TMEM242: variants seen among roughly 807,000 people sequenced by gnomAD.
TMEM242 encodes UPF0463 transmembrane protein C6orf35.
A neutral mutation model predicts 18.2 loss-of-function variants in TMEM242; 10 were observed. The ratio of observed to expected loss-of-function variants is 0.55; its 90% confidence interval spans 0.34 to 0.93. TMEM242 has a LOEUF of 0.93. TMEM242 is among the 40% of genes least tolerant of loss of function. The pLI is 0.02. For synonymous variants in TMEM242, 57 were observed against 69.9 expected, an observed-to-expected ratio of 0.81 and a Z score of 0.92; for missense variants, 186 against 175.5, an observed-to-expected ratio of 1.06 and a Z score of -0.34.
At chr6:157,316,328 C>A (rs1778390091) in intron 3 of TMEM242, among the ~76,000 whole-genome samples, 1 of 152,128 alleles carries the variant, frequency 6.6e-6, no homozygotes, top group African/African-American at 2.4e-5. Flanking sequence ...CCTCTTTGAG[C>A]CCCAATTTCC....
intron 3 of TMEM242, among the ~76,000 whole-genome samples, chr6:157,313,257 T>G (rs1277611338): frequency 3.5e-5 from 4 of 113,004 alleles, no homozygotes; most frequent in African/African-American, 1.1e-4. Context: ...TGTGCTCACC[T>G]GGCCTCATCA....
At position 157,320,790 on chromosome 6, in the gene TMEM242, C is replaced by T. The variant is rs587774683; in HGVS notation, c.190-1871G>A. On this transcript the variant is annotated intron_variant, in intron 2 of 3. Transcript: ENST00000400788. Reference sequence around the variant, plus strand: ...TTTCACTTGAAAGCTTGAATTTTATCAGTGGCAATAAATACTGACAATTGT... The same window carrying T: ...TTTCACTTGAAAGCTTGAATTTTATTAGTGGCAATAAATACTGACAATTGT... Among the ~76,000 whole-genome samples the T allele has an allele frequency of 2.0e-5, 3 of 152,266 alleles. No individual in the cohort carries two copies. In the South Asian group the frequency reaches 6.2e-4, roughly 32 times the overall value.
intron 3 of TMEM242, 142 bp downstream of exon 3, chr6:157,318,639 TA>T: frequency 1.1e-6 from 1 of 889,084 alleles, no homozygotes; most frequent in Non-Finnish European, 1.7e-6. Flanking sequence ...TAGTTATTTG[TA>T]AGAATTTAGT....
intron 3 of TMEM242, among the ~76,000 whole-genome samples, chr6:157,315,813 C>T (rs1340630572): frequency 2.0e-5 from 3 of 152,178 alleles, no homozygotes; most frequent in African/African-American, 7.2e-5. Context: ...TGTTTGGTAA[C>T]AAGATAGCTC....
Position 157,297,027 on chromosome 6 carries a change from A to C in TMEM242, c.328-4028T>G, listed in dbSNP as rs145511801. 2.7e-3 allele frequency among the ~76,000 whole-genome samples: 410 copies of C among 152,346 alleles called. 2 individuals carry two copies. The highest frequency in any genetic ancestry group is 9.1e-3 in the African/African-American group (377 of 41,576). Reference sequence around the variant, plus strand: ...ATAATGTTATTCTCGTTCACATTTCAATAGGCCATATAGCCAGTAGGCCAG... The same window carrying C: ...ATAATGTTATTCTCGTTCACATTTCCATAGGCCATATAGCCAGTAGGCCAG... On this transcript the variant is annotated intron_variant, in intron 3 of 3. Transcript: ENST00000400788.
At chr6:157,295,824 C>G (rs1056042592) in intron 3 of TMEM242, among the ~76,000 whole-genome samples, 13 of 152,160 alleles carry the variant, frequency 8.5e-5, no homozygotes, top group African/African-American at 2.9e-4. Context: ...TACCATCTAT[C>G]CCTGTTCTCT....
At chr6:157,309,934 T>A (rs1554248188) in intron 3 of TMEM242, among the ~76,000 whole-genome samples, 1 of 152,142 alleles carries the variant, frequency 6.6e-6, no homozygotes, top group Non-Finnish European at 1.5e-5. Flanking sequence ...GAGGCCCCAG[T>A]AAAGGTTAGC....
At chr6:157,312,680 A>T (rs1445229832) in intron 3 of TMEM242, among the ~76,000 whole-genome samples, 1 of 59,088 alleles carries the variant, frequency 1.7e-5, no homozygotes, top group Non-Finnish European at 3.5e-5. Context: ...GCACTCACCT[A>T]GCCTCATCAT....
Position 157,292,802 on chromosome 6 carries a change from T to C in TMEM242, c.*99A>G, listed in dbSNP as rs912546011. On this transcript the variant is annotated 3_prime_UTR_variant, in exon 4 of 4. Coordinates refer to ENST00000400788, the MANE Select transcript of TMEM242 (RefSeq NM_018452.6). ...ACTGGTTCAGTCAGCAATCTGCCCA[T>C]GTTCCTGGGAGAAATCAGTCCCAGT... The C allele has an allele frequency of 5.3e-6, 5 of 941,530 alleles. No homozygotes were observed. Among genetic ancestry groups the C allele is most frequent in the Non-Finnish European group, 8.4e-6 (5 of 594,338 alleles). 58.3% of individuals were successfully genotyped at this position (941,530 alleles called of 1,614,324 possible). A position where few individuals can be genotyped will look rare whatever the true frequency, so the allele number is the denominator to read the frequency against.
At position 157,290,788 on chromosome 6, in the gene TMEM242, T is replaced by G. The variant is rs1326292637; in HGVS notation, c.*2113A>C. 2 of 152,214 alleles carry G rather than the reference T, an allele frequency of 1.3e-5. No homozygotes were observed. The highest frequency in any genetic ancestry group is 2.9e-5 in the Non-Finnish European group (2 of 68,046). 9.4% of individuals were successfully genotyped at this position (152,214 alleles called of 1,614,324 possible). On this transcript the variant is annotated 3_prime_UTR_variant, in exon 4 of 4. Transcript: ENST00000400788. ...ATTGGAGCTGACGCTTGGTCCCTCT[T>G]TTAGGGAATTTGTCCCTGCCAGCCT...
chr6:157,311,537 T>A (rs1191825629), intron 3 of TMEM242, among the ~76,000 whole-genome samples: 1,459 of 16,066 alleles, frequency 0.091, 12 homozygotes, highest in Middle Eastern at 0.17. Context: ...ACCGGCCTCA[T>A]CATAGTGTCC....
intron 1 of TMEM242, 64 bp from the exon 2 acceptor site, chr6:157,322,869 G>C: frequency 2.1e-6 from 3 of 1,397,154 alleles, no homozygotes; most frequent in Non-Finnish European, 3.0e-6. Flanking sequence ...AGGTTAAAAA[G>C]ATGTACAAAA....
intron 3 of TMEM242, among the ~76,000 whole-genome samples, chr6:157,310,892 C>A (rs1554248488): frequency 7.7e-6 from 1 of 129,318 alleles, no homozygotes; most frequent in South Asian, 2.8e-4. Flanking sequence ...GTGCACTCAC[C>A]TAGCCTCATC....
intron 3 of TMEM242, among the ~76,000 whole-genome samples, chr6:157,312,920 CAT>C (rs1778228652): frequency 6.7e-6 from 1 of 149,318 alleles, no homozygotes; most frequent in Non-Finnish European, 1.5e-5. Flanking sequence ...GCTCACCCGG[CAT>C]CATCATAGTG....
intron 3 of TMEM242, among the ~76,000 whole-genome samples, chr6:157,314,379 C>T (rs1009138605): frequency 4.4e-5 from 6 of 137,782 alleles, no homozygotes; most frequent in Middle Eastern, 3.3e-3. Context: ...TTCCCATGAT[C>T]ATGTACACAG....
rs148789181 is a variant in TMEM242, at chr6:157,293,966, C to T, written c.328-967G>A. On this transcript the variant is annotated intron_variant, in intron 3 of 3. Coordinates refer to ENST00000400788, the MANE Select transcript of TMEM242 (RefSeq NM_018452.6). ...AAACTCCTGAACTCAAGCAATCCTC[C>T]CACCTCGGTCTCCCAAAGTGCTGAG... is the stretch of plus-strand genomic sequence containing the variant. 7.2e-5 allele frequency among the ~76,000 whole-genome samples: 11 copies of T among 152,204 alleles called. 1 individual carries two copies. The highest frequency in any genetic ancestry group is 2.6e-4 in the African/African-American group (11 of 41,520).
At chr6:157,313,410 C>CT (rs202013489) in intron 3 of TMEM242, among the ~76,000 whole-genome samples, 7 of 83,648 alleles carry the variant, frequency 8.4e-5, no homozygotes, top group Admixed American at 6.2e-4. Flanking sequence ...ATTACAGTGT[C>CT]CAGTGTGCGC....
rs142289958 is a variant in TMEM242, at chr6:157,305,634, A to G, written c.328-12635T>C. Among the ~76,000 whole-genome samples the G allele has an allele frequency of 5.9e-5, 9 of 152,318 alleles. No individual in the cohort carries two copies. The East Asian group carries it at 1.7e-3, about 29-fold the overall frequency. ...AGATGGAGGACAGAAGAGTTTAAGT[A>G]GGAGCTACTGGACACTGATGTTAAG... On this transcript the variant is annotated intron_variant, in intron 3 of 3. Transcript: ENST00000400788. This position sits in a 1 kb window ranked among gnomAD's most constrained non-coding sequence, Gnocchi z 4.1.
intron 3 of TMEM242, among the ~76,000 whole-genome samples, chr6:157,308,633 A>G (rs1188224927): frequency 6.6e-6 from 1 of 152,200 alleles, no homozygotes; most frequent in African/African-American, 2.4e-5. Flanking sequence ...AATGTCTATC[A>G]GCAGAAGAGG....
Sources: allele counts gnomAD v4.1 joint callset (sites outside exome capture counted in the v4.1 genomes callset), GRCh38; gene constraint gnomAD v4.1.1; non-coding constraint Gnocchi (gnomAD v3.1); transcripts MANE v1.5; gene names NCBI Gene and HGNC (gene_info 2026-07-23, HGNC 2026-07-21).